The following CNTNAP2 variants were observed in gnomAD, a reference collection of about 807,000 sequenced individuals.
CNTNAP2 encodes contactin-associated protein-like 2.
A neutral mutation model predicts 155.2 loss-of-function variants in CNTNAP2; 98 were observed. That is an observed-to-expected ratio of 0.63 (90% CI 0.54 to 0.75). The LOEUF (loss-of-function observed/expected upper bound fraction) is 0.75, where lower values mean the gene tolerates loss of function less well. CNTNAP2 is among the 30% of genes least tolerant of loss of function. CNTNAP2 has a pLI of 0.00. For synonymous variants in CNTNAP2, 651 were observed against 631.2 expected, an observed-to-expected ratio of 1.03 and a Z score of -0.47; for missense variants, 1,727 against 1,688.1, an observed-to-expected ratio of 1.02 and a Z score of -0.40.
rs139121386 is a variant in CNTNAP2, at chr7:148,215,838, G to A, written c.3011-1450G>A. Among the ~76,000 whole-genome samples the A allele has an allele frequency of 7.9e-5, 12 of 152,186 alleles. No individual in the cohort carries two copies. The East Asian group carries it at 1.9e-3, about 24-fold the overall frequency. On this transcript the variant is annotated intron_variant, in intron 18 of 23. Coordinates refer to ENST00000361727, the MANE Select transcript of CNTNAP2 (RefSeq NM_014141.6). ...AGGGCAAGATACACCCCCAGGCGTC[G>A]GACTTCGCTGCTCTGTGCCGACCTC...
At chr7:148,369,061 A>C (rs1371672771) in intron 21 of CNTNAP2, among the ~76,000 whole-genome samples, 1 of 152,096 alleles carries the variant, frequency 6.6e-6, no homozygotes, top group Non-Finnish European at 1.5e-5. Context: ...TTCTCTCACA[A>C]ACATTAATAA....
chr7:147,616,051 C>T (rs768975686), intron 12 of CNTNAP2, among the ~76,000 whole-genome samples: 41 of 152,002 alleles, frequency 2.7e-4, no homozygotes, highest in Non-Finnish European at 5.6e-4. Flanking sequence ...TCACAATAAT[C>T]CTTGTTTCAT....
intron 11 of CNTNAP2, among the ~76,000 whole-genome samples, chr7:147,506,348 T>G (rs989217761): frequency 2.6e-5 from 4 of 152,122 alleles, no homozygotes; most frequent in Non-Finnish European, 5.9e-5. Context: ...CTCCGCCTCC[T>G]GGGTTCAAGC....
At chr7:146,724,187 A>G (rs1801388947) in intron 1 of CNTNAP2, among the ~76,000 whole-genome samples, 1 of 152,146 alleles carries the variant, frequency 6.6e-6, no homozygotes, top group Non-Finnish European at 1.5e-5. Flanking sequence ...TGCTATCTCA[A>G]GGGGCTTATA....
At position 146,496,826 on chromosome 7, in the gene CNTNAP2, G is replaced by A. The variant is rs568409602; in HGVS notation, c.98-277445G>A. ...TCAGGTATAACAAAAATGGAAGTCA[G>A]CAGTCTATCTTTAATTTTGTCACAT... On this transcript the variant is annotated intron_variant, in intron 1 of 23. Transcript: ENST00000361727. Among the ~76,000 whole-genome samples, 5 of 152,292 alleles carry A rather than the reference G, an allele frequency of 3.3e-5. No individual in the cohort carries two copies. The South Asian group carries it at 8.3e-4, about 25-fold the overall frequency.
intron 1 of CNTNAP2, among the ~76,000 whole-genome samples, chr7:146,617,017 T>TTTTTTCTG (rs113504240): frequency 6.6e-6 from 1 of 151,274 alleles, no homozygotes; most frequent in African/African-American, 2.4e-5. Context: ...AACCTGGTTT[T>TTTTTTCTG]TTTGTTTGTT....
rs140191406 is a variant in CNTNAP2, at chr7:148,396,619, G to A, written c.3715+12731G>A. ...AGTTGCAGAAGCATTATCCTGATGAGGTTTTTAACACATCACCACATGCTT... is the reference window on the plus strand; with the variant it reads ...AGTTGCAGAAGCATTATCCTGATGAAGTTTTTAACACATCACCACATGCTT... On this transcript the variant is annotated intron_variant, in intron 22 of 23. Coordinates refer to ENST00000361727, the MANE Select transcript of CNTNAP2 (RefSeq NM_014141.6). 3.6e-3 allele frequency among the ~76,000 whole-genome samples: 552 copies of A among 152,136 alleles called. 1 individual carries two copies. Among genetic ancestry groups the A allele is most frequent in the African/African-American group, 0.012 (518 of 41,494 alleles).
Position 147,676,105 on chromosome 7 carries a change from A to G in CNTNAP2, c.2098+36799A>G, listed in dbSNP as rs917693100. Reference sequence around the variant, plus strand: ...AGTAATTCCATTGACTTCAATTTCTATAGAGTTCTTCTTTCCTTTTATGCA... The same window carrying G: ...AGTAATTCCATTGACTTCAATTTCTGTAGAGTTCTTCTTTCCTTTTATGCA... On this transcript the variant is annotated intron_variant, in intron 13 of 23. Coordinates refer to ENST00000361727, the MANE Select transcript of CNTNAP2 (RefSeq NM_014141.6). Among the ~76,000 whole-genome samples, 5 of 135,402 alleles carry G rather than the reference A, an allele frequency of 3.7e-5. No individual in the cohort carries two copies. In the Middle Eastern group the frequency reaches 0.013, roughly 359 times the overall value. The allele number at this position is 135,402 out of a possible 152,430, so 88.8% of individuals were successfully genotyped here. A position where few individuals can be genotyped will look rare whatever the true frequency, so the allele number is the denominator to read the frequency against.
intron 1 of CNTNAP2, among the ~76,000 whole-genome samples, chr7:146,353,821 A>G (rs2129099333): frequency 6.6e-6 from 1 of 152,258 alleles, no homozygotes. Flanking sequence ...CCTCTGTAGG[A>G]TAAGAGTTAT....
At chr7:146,693,116 C>T (rs150358084) in intron 1 of CNTNAP2, among the ~76,000 whole-genome samples, 13 of 151,954 alleles carry the variant, frequency 8.6e-5, no homozygotes, top group East Asian at 1.9e-4. Context: ...AAAATGGAGA[C>T]GATACCTACT....
At chr7:146,619,081 A>T (rs915438274) in intron 1 of CNTNAP2, among the ~76,000 whole-genome samples, 2 of 152,100 alleles carry the variant, frequency 1.3e-5, no homozygotes, top group Admixed American at 1.3e-4. Flanking sequence ...TCTCAAAAAA[A>T]AAAAAAAGTG....
intron 1 of CNTNAP2, among the ~76,000 whole-genome samples, chr7:146,398,490 G>T (rs1476209616): frequency 6.6e-6 from 1 of 152,068 alleles, no homozygotes; most frequent in African/African-American, 2.4e-5. Flanking sequence ...CCCACAACAT[G>T]TGGAGATTAT....
chr7:146,919,093 T>C (rs757419631), intron 3 of CNTNAP2, among the ~76,000 whole-genome samples: 5 of 152,194 alleles, frequency 3.3e-5, no homozygotes, highest in African/African-American at 4.8e-5. Flanking sequence ...ATATCCTGTA[T>C]CATTTTTTTG....
intron 15 of CNTNAP2, among the ~76,000 whole-genome samples, chr7:147,995,593 C>CCTCAGCTCA: frequency 6.6e-6 from 1 of 151,242 alleles, no homozygotes; most frequent in South Asian, 2.1e-4. Flanking sequence ...AGTGGTGCAA[C>CCTCAGCTCA]CTCAGCTCAC....
chr7:146,336,427 A>G (rs953286071), intron 1 of CNTNAP2, among the ~76,000 whole-genome samples: 4 of 152,086 alleles, frequency 2.6e-5, no homozygotes, highest in Admixed American at 1.3e-4. Context: ...TGTAATTTAA[A>G]TGGAAAACAT....
chr7:146,914,630 A>C (rs1451912875), intron 3 of CNTNAP2, among the ~76,000 whole-genome samples: 1 of 151,798 alleles, frequency 6.6e-6, no homozygotes, highest in African/African-American at 2.4e-5. Flanking sequence ...TCCTTAGCTC[A>C]CTTTTTGGTG....
intron 3 of CNTNAP2, among the ~76,000 whole-genome samples, chr7:146,937,971 T>A (rs937378857): frequency 1.3e-5 from 2 of 152,186 alleles, no homozygotes; most frequent in Admixed American, 6.5e-5. Flanking sequence ...TCTGATTAGT[T>A]GAGACTGTAT....
chr7:146,786,739 T>C (rs1033738025), intron 2 of CNTNAP2: 1 of 152,268 alleles, frequency 6.6e-6, no homozygotes, highest in African/African-American at 2.4e-5. Context: ...TTTATTTTAT[T>C]TCCCTTAGCT....
At chr7:148,085,724 C>T (rs1803714254) in intron 15 of CNTNAP2, among the ~76,000 whole-genome samples, 1 of 151,690 alleles carries the variant, frequency 6.6e-6, no homozygotes, top group African/African-American at 2.4e-5. Context: ...TCCTTCCTTC[C>T]CTCCTTCCTT....
Sources: allele counts gnomAD v4.1 joint callset (sites outside exome capture counted in the v4.1 genomes callset), GRCh38; gene constraint gnomAD v4.1.1; transcripts MANE v1.5; gene names NCBI Gene and HGNC (gene_info 2026-07-23, HGNC 2026-07-21).